JAKMIP3: variants seen among roughly 807,000 people sequenced by gnomAD.
The protein encoded by JAKMIP3 is Janus kinase and microtubule interacting protein 3, also known as janus kinase and microtubule-interacting protein 3.
In JAKMIP3, 58 loss-of-function variants were observed where a neutral mutation model predicts 118.5. The observed-to-expected ratio is 0.49, with a 90% CI of 0.40 to 0.61. The LOEUF is 0.61. JAKMIP3 is among the 20% of genes least tolerant of loss of function. The probability of loss-of-function intolerance (pLI) is 0.00; values close to 1 mark genes in which losing one functional copy is unlikely to be tolerated. For missense variants in JAKMIP3, 950 were observed against 1,109.0 expected (o/e 0.86, Z 2.04); for synonymous variants, 486 against 451.2 (o/e 1.08, Z -0.98).
chr10:132,159,572 G>GTCTCCCTGTGTGATGCTGGGGGTCC (rs2057657218), intron 19 of JAKMIP3, among the ~76,000 whole-genome samples: 3 of 36,504 alleles, frequency 8.2e-5, no homozygotes, highest in Non-Finnish European at 1.1e-4. Flanking sequence ...GGGGGGGCGT[G>GTCTCCCTGTGTGATGCTGGGGGTCC]TCTCCCTGTG....
In JAKMIP3 at chr10:132,112,764, C is replaced by A. The variant is rs2047070053; in HGVS notation, c.136-4313C>A. ...CCACGTGTCTCCTTGGACAGGGCAG[C>A]TCTCCACCTCCCCTTGGACACCGGC... On this transcript the variant is annotated intron_variant, in intron 2 of 23. Coordinates refer to ENST00000684848, the MANE Select transcript of JAKMIP3 (RefSeq NM_001323087.2). This position sits in a 1 kb window ranked among gnomAD's most constrained non-coding sequence, Gnocchi z 4.3. Among the ~76,000 whole-genome samples the A allele has an allele frequency of 6.6e-6, 1 of 152,118 alleles. No individual in the cohort carries two copies. Among genetic ancestry groups the A allele is most frequent in the African/African-American group, 2.4e-5 (1 of 41,412 alleles).
At chr10:132,146,328 C>T (rs1030625659) in intron 13 of JAKMIP3, among the ~76,000 whole-genome samples, 1 of 152,174 alleles carries the variant, frequency 6.6e-6, no homozygotes, top group Non-Finnish European at 1.5e-5. Context: ...TCAGCTGCTC[C>T]CTGCACTGGG....
intron 20 of JAKMIP3, 45 bp from the exon 21 acceptor site, chr10:132,164,625 C>T (rs371104628): frequency 3.8e-5 from 49 of 1,290,606 alleles, no homozygotes; most frequent in Middle Eastern, 3.7e-4. Flanking sequence ...TTGGGTTTCC[C>T]GAGTACTGTG....
At chr10:132,110,402 G>A (rs1012790199) in intron 2 of JAKMIP3, among the ~76,000 whole-genome samples, 1 of 152,284 alleles carries the variant, frequency 6.6e-6, no homozygotes, top group Admixed American at 6.5e-5. Context: ...AGCCTTCTGT[G>A]CAGTTTTTGC....
intron 23 of JAKMIP3, among the ~76,000 whole-genome samples, chr10:132,171,411 C>T (rs1466699669): frequency 1.3e-5 from 2 of 152,364 alleles, no homozygotes; most frequent in African/African-American, 4.8e-5. Flanking sequence ...GTGCACTGTG[C>T]GCCCTGCTCT....
intron 23 of JAKMIP3, among the ~76,000 whole-genome samples, chr10:132,174,550 G>A (rs1361735651): frequency 6.6e-6 from 1 of 152,138 alleles, no homozygotes; most frequent in African/African-American, 2.4e-5. Flanking sequence ...TTTCCGGTTT[G>A]GGGCAAATGT....
At chr10:132,155,889 C>T (rs2057031277) in intron 19 of JAKMIP3, among the ~76,000 whole-genome samples, 1 of 152,168 alleles carries the variant, frequency 6.6e-6, no homozygotes, top group South Asian at 2.1e-4. Context: ...ACCTGAGTCC[C>T]TCCAGGTGGC....
chr10:132,114,397 A>ATT (rs1001717265), intron 2 of JAKMIP3, among the ~76,000 whole-genome samples: 2 of 151,874 alleles, frequency 1.3e-5, no homozygotes, highest in Admixed American at 1.3e-4. Context: ...TAATTAATTT[A>ATT]TTTTTTTTGT....
chr10:132,048,431 CTGTT>C (rs1182149801), intron 1 of JAKMIP3, among the ~76,000 whole-genome samples: 3 of 152,170 alleles, frequency 2.0e-5, no homozygotes, highest in African/African-American at 7.2e-5. Context: ...CCCCATTTGT[CTGTT>C]TGTTTATGTC....
chr10:132,168,493 G>C lies in JAKMIP3; in HGVS notation c.*563G>C. 1 of 869,260 alleles carries C rather than the reference G, an allele frequency of 1.2e-6. No homozygotes were observed. Among genetic ancestry groups the C allele is most frequent in the Non-Finnish European group, 1.6e-6 (1 of 634,980 alleles). The allele number at this position is 869,260 out of a possible 1,614,324, so 53.8% of individuals were successfully genotyped here. ...TCCCCGACGCCTCAGGGGCCCCTCC[G>C]ATGCTGCAATATGTTGCTGGGGTCC... On this transcript the variant is annotated 3_prime_UTR_variant, in exon 23 of 24. Transcript: ENST00000684848.
chr10:132,109,418 A>G (rs1350696049), intron 2 of JAKMIP3, among the ~76,000 whole-genome samples: 2 of 152,242 alleles, frequency 1.3e-5, no homozygotes, highest in African/African-American at 4.8e-5. Flanking sequence ...GAATGACCTC[A>G]TTTGGGTTCA....
chr10:132,078,692 G>T (rs1004381631), intron 1 of JAKMIP3, among the ~76,000 whole-genome samples: 3 of 152,080 alleles, frequency 2.0e-5, no homozygotes, highest in Non-Finnish European at 4.4e-5. Context: ...AGGTTTTGGG[G>T]TTTCTTTTCC....
At chr10:132,125,442 G>A (rs761252886) in intron 3 of JAKMIP3, among the ~76,000 whole-genome samples, 3 of 152,256 alleles carry the variant, frequency 2.0e-5, no homozygotes, top group Admixed American at 2.0e-4. Flanking sequence ...TCCGCCTTGC[G>A]GCGTTAGTAC....
At chr10:132,076,782 A>T (rs1376176596) in intron 1 of JAKMIP3, among the ~76,000 whole-genome samples, 3 of 138,152 alleles carry the variant, frequency 2.2e-5, no homozygotes, top group Non-Finnish European at 4.6e-5. Flanking sequence ...CCCGGGTCTG[A>T]CTGAGGGCTG....
At chr10:132,159,723 CATGTCTTCCT>C (rs1564982178) in intron 19 of JAKMIP3, among the ~76,000 whole-genome samples, 9 of 54,514 alleles carry the variant, frequency 1.7e-4, no homozygotes, top group Admixed American at 2.9e-4. Flanking sequence ...ATGCTGGGGG[CATGTCTTCCT>C]GTGTGATACT....
rs1590022762 is a variant in JAKMIP3, at chr10:132,168,751, C to T, written c.*821C>T. On this transcript the variant is annotated 3_prime_UTR_variant, in exon 23 of 24. Coordinates refer to ENST00000684848, the MANE Select transcript of JAKMIP3 (RefSeq NM_001323087.2). ...GGTGACAGGAGGTGGGACGAGGGGG[C>T]GGAGCTGGCTGGAACACGGATGCCA... is the stretch of plus-strand genomic sequence containing the variant. 1 of 255,400 alleles carries T rather than the reference C, an allele frequency of 3.9e-6. No individual in the cohort carries two copies. Among genetic ancestry groups the T allele is most frequent in the Non-Finnish European group, 7.7e-6 (1 of 130,272 alleles). 15.8% of individuals were successfully genotyped at this position (255,400 alleles called of 1,614,324 possible).
chr10:132,138,234 A>G (rs2052291155), intron 9 of JAKMIP3, 56 bp downstream of exon 9: 1 of 1,462,888 alleles, frequency 6.8e-7, no homozygotes, highest in South Asian at 1.2e-5. Flanking sequence ...TGCGGAGAGG[A>G]CCACGCCCGC....
At chr10:132,089,118 G>A (rs2042791522) in intron 1 of JAKMIP3, among the ~76,000 whole-genome samples, 2 of 152,166 alleles carry the variant, frequency 1.3e-5, no homozygotes, top group Non-Finnish European at 2.9e-5. Flanking sequence ...TAGCCTTGTA[G>A]TATAGTTTGA....
upstream of JAKMIP3, among the ~76,000 whole-genome samples, chr10:132,064,511 C>T (rs749570743): frequency 2.7e-4 from 41 of 152,204 alleles, no homozygotes; most frequent in Admixed American, 5.2e-4. The surrounding 1 kb of genome is among the most constrained non-coding windows in gnomAD (Gnocchi z 4.4). Flanking sequence ...ACCCACCGTT[C>T]CGGGTCTGAA....
Sources: allele counts gnomAD v4.1 joint callset (sites outside exome capture counted in the v4.1 genomes callset), GRCh38; gene constraint gnomAD v4.1.1; non-coding constraint Gnocchi (gnomAD v3.1); transcripts MANE v1.5; gene names NCBI Gene and HGNC (gene_info 2026-07-23, HGNC 2026-07-21).